SLC13A5: variants seen among roughly 807,000 people sequenced by gnomAD.
SLC13A5 encodes Na(+)/citrate cotransporter.
A neutral mutation model predicts 56.5 loss-of-function variants in SLC13A5; 25 were observed. The observed-to-expected ratio is 0.44, with a 90% CI of 0.32 to 0.62. The LOEUF (loss-of-function observed/expected upper bound fraction) is 0.62, where lower values mean the gene tolerates loss of function less well. Ranked by LOEUF, SLC13A5 falls within the 20% of genes least tolerant of loss-of-function variation. SLC13A5 has a pLI of 0.04. For synonymous variants in SLC13A5, 307 were observed against 301.5 expected, an observed-to-expected ratio of 1.02 and a Z score of -0.19; for missense variants, 649 against 737.8, an observed-to-expected ratio of 0.88 and a Z score of 1.39.
chr17:6,693,178 AACAC>A lies in SLC13A5; in HGVS notation c.1157-20_1157-17del, dbSNP rs200900896. 0.04 allele frequency: 27,968 copies of A among 692,998 alleles called. 201 individuals are homozygous for A. Among genetic ancestry groups the A allele is most frequent in the Middle Eastern group, 0.059 (177 of 3,006 alleles). 42.9% of individuals were successfully genotyped at this position (692,998 alleles called of 1,614,324 possible). A position where few individuals can be genotyped will look rare whatever the true frequency, so the allele number is the denominator to read the frequency against. ...GTTTTCCTTTCTGGGAAGAAAAAGA[AACAC>A]ACACACACACACACACACACACACA... On this transcript the variant is annotated splice_polypyrimidine_tract_variant and intron_variant, in intron 8 of 11. Transcript: ENST00000433363.
chr17:6,704,535 G>T, intron 3 of SLC13A5: 1 of 317,790 alleles, frequency 3.1e-6, no homozygotes, highest in South Asian at 2.7e-5. Flanking sequence ...GTTCAGAAGG[G>T]CTAAGCAGAG....
intron 6 of SLC13A5, among the ~76,000 whole-genome samples, chr17:6,697,543 C>T (rs1397991142): frequency 6.6e-6 from 1 of 152,206 alleles, no homozygotes; most frequent in Non-Finnish European, 1.5e-5. Flanking sequence ...TGTGAGGGGC[C>T]TAGGTCAGGG....
chr17:6,697,840 T>C (rs1287073202), intron 6 of SLC13A5, among the ~76,000 whole-genome samples: 1 of 152,216 alleles, frequency 6.6e-6, no homozygotes, highest in Admixed American at 6.5e-5. Context: ...GAGGCTGCAC[T>C]AGGCTCTTCA....
At chr17:6,695,497 C>A in intron 7 of SLC13A5, 1 of 465,430 alleles carries the variant, frequency 2.1e-6, no homozygotes, top group South Asian at 2.2e-5. Flanking sequence ...TCAAGTGATT[C>A]TCCTGCCTCA....
intron 7 of SLC13A5, among the ~76,000 whole-genome samples, 192 bp from the exon 8 acceptor site, chr17:6,694,389 C>A (rs565500377): frequency 6.6e-6 from 1 of 152,076 alleles, no homozygotes; most frequent in South Asian, 2.1e-4. Context: ...GAGGCTGAGG[C>A]GGGCGGATCA....
Position 6,692,353 on chromosome 17 carries a change from T to C in SLC13A5, c.1275+691A>G, listed in dbSNP as rs1973436794. Among the ~76,000 whole-genome samples the C allele has an allele frequency of 6.6e-6, 1 of 152,098 alleles. No individual in the cohort carries two copies. On this transcript the variant is annotated intron_variant, in intron 9 of 11. Transcript: ENST00000433363. The surrounding 1 kb of genome is among the most constrained non-coding windows in gnomAD (Gnocchi z 5.5). ...ATGGATGGAGAGGTGACTAGATGGATGGATTTGTTCACCTCCGCAAAAACT... is the reference window on the plus strand; with the variant it reads ...ATGGATGGAGAGGTGACTAGATGGACGGATTTGTTCACCTCCGCAAAAACT...
At position 6,687,754 on chromosome 17, in the gene SLC13A5, G is replaced by A. The variant is rs926786269; in HGVS notation, c.1438-88C>T. The A allele has an allele frequency of 3.7e-5, 54 of 1,446,028 alleles. No homozygotes were observed. Among genetic ancestry groups the A allele is most frequent in the Admixed American group, 5.6e-5 (2 of 35,572 alleles). 89.6% of individuals were successfully genotyped at this position (1,446,028 alleles called of 1,614,324 possible). A position where few individuals can be genotyped will look rare whatever the true frequency, so the allele number is the denominator to read the frequency against. On this transcript the variant is annotated intron_variant, in intron 10 of 11. Coordinates refer to ENST00000433363, the MANE Select transcript of SLC13A5 (RefSeq NM_177550.5). This position sits in a 1 kb window ranked among gnomAD's most constrained non-coding sequence, Gnocchi z 5.0. ...CTGAAAAGGATTCTCTGAATGTGCC[G>A]GGTACGTTTGAACCTCTGTGCCTCA...
Position 6,687,524 on chromosome 17 carries a change from G to A in SLC13A5, c.1575+5C>T, listed in dbSNP as rs778223098. On this transcript the variant is annotated splice_donor_5th_base_variant and intron_variant, in intron 11 of 11. Transcript: ENST00000433363. This position sits in a 1 kb window ranked among gnomAD's most constrained non-coding sequence, Gnocchi z 5.0. ...GACGGGAGTAAATAAAAACAGCTGT[G>A]TTACCATGTCAGCAACCTTGAGGTG... 18 of 1,613,550 alleles carry A rather than the reference G, an allele frequency of 1.1e-5. No individual in the cohort carries two copies. The highest frequency in any genetic ancestry group is 4.5e-5 in the East Asian group (2 of 44,892).
intron 1 of SLC13A5, among the ~76,000 whole-genome samples, chr17:6,707,812 TG>T (rs1414371764): frequency 6.7e-6 from 1 of 149,632 alleles, no homozygotes; most frequent in African/African-American, 2.5e-5. Flanking sequence ...GCAGACAGGG[TG>T]GGATAGGAGG....
chr17:6,687,270 C>T lies in SLC13A5; in HGVS notation c.1575+259G>A. On this transcript the variant is annotated intron_variant, in intron 11 of 11. Coordinates refer to ENST00000433363, the MANE Select transcript of SLC13A5 (RefSeq NM_177550.5). This position sits in a 1 kb window ranked among gnomAD's most constrained non-coding sequence, Gnocchi z 5.0. Reference sequence around the variant, plus strand: ...ACCTTCACCCCTTCCAAGGACTCCCCTGGTGCCTGCACAGGCTTCTCCAGG... The same window carrying T: ...ACCTTCACCCCTTCCAAGGACTCCCTTGGTGCCTGCACAGGCTTCTCCAGG... The T allele has an allele frequency of 2.2e-6, 1 of 450,456 alleles. No homozygotes were observed. The highest frequency in any genetic ancestry group is 2.6e-5 in the South Asian group (1 of 38,068). The allele number at this position is 450,456 out of a possible 1,614,324, so 27.9% of individuals were successfully genotyped here.
chr17:6,704,036 C>T lies in SLC13A5; in HGVS notation c.389G>A (p.Gly130Asp), dbSNP rs1435160909. The T allele has an allele frequency of 1.2e-6, 2 of 1,612,068 alleles. No homozygotes were observed. The highest frequency in any genetic ancestry group is 1.7e-6 in the Non-Finnish European group (2 of 1,179,120). The part of the protein sequence containing the change: ...KPARLMLGFM[G>D]VTALLSMWIS... ...CCACATGGACAGGAGGGCTGTGACGCCCATGAAGCCCAGCATCAGCCTGCA... is the reference window on the plus strand; with the variant it reads ...CCACATGGACAGGAGGGCTGTGACGTCCATGAAGCCCAGCATCAGCCTGCA... Residue 130 changes from glycine (G) to aspartate (D), a missense_variant, in exon 4 of 12, where the codon GGC becomes GAC. Coordinates refer to ENST00000433363, the MANE Select transcript of SLC13A5 (RefSeq NM_177550.5).
intron 6 of SLC13A5, among the ~76,000 whole-genome samples, chr17:6,697,255 G>C (rs1244267166): frequency 6.6e-6 from 1 of 152,120 alleles, no homozygotes; most frequent in African/African-American, 2.4e-5. Context: ...GCTCAGCCAG[G>C]GGCTTCAGGT....
At chr17:6,699,621 C>T (rs759085931) in intron 6 of SLC13A5, among the ~76,000 whole-genome samples, 1 of 152,170 alleles carries the variant, frequency 6.6e-6, no homozygotes, top group Non-Finnish European at 1.5e-5. Flanking sequence ...CAGGCATGTG[C>T]CACCATGCCC....
At chr17:6,706,836 C>G in intron 2 of SLC13A5, 58 bp from the exon 3 acceptor site, 1 of 1,600,084 alleles carries the variant, frequency 6.2e-7, no homozygotes, top group Non-Finnish European at 8.5e-7. Flanking sequence ...CTAGAGCCAC[C>G]CAGTCCCCAG....
At chr17:6,696,263 C>T (rs1973558415) in intron 6 of SLC13A5, among the ~76,000 whole-genome samples, 1 of 152,170 alleles carries the variant, frequency 6.6e-6, no homozygotes, top group African/African-American at 2.4e-5. Context: ...GAACAGGGCT[C>T]CCTCACATGC....
In SLC13A5 at chr17:6,713,096, C is replaced by T. The variant is rs1974082373; in HGVS notation, c.102+136G>A. On this transcript the variant is annotated intron_variant, in intron 1 of 11. Coordinates refer to ENST00000433363, the MANE Select transcript of SLC13A5 (RefSeq NM_177550.5). The surrounding 1 kb of genome is among the most constrained non-coding windows in gnomAD (Gnocchi z 7.3). ...CACCTCCCATCCGGCACCTGGAGCT[C>T]CTGAGTGCGCGCGCCCCGGGAGAGC... 1.2e-6 allele frequency: 1 copy of T among 832,026 alleles called. No homozygotes were observed. Among genetic ancestry groups the T allele is most frequent in the African/African-American group, 1.7e-5 (1 of 58,804 alleles). 51.5% of individuals were successfully genotyped at this position (832,026 alleles called of 1,614,324 possible). A position where few individuals can be genotyped will look rare whatever the true frequency, so the allele number is the denominator to read the frequency against.
chr17:6,696,059 G>A (rs1338553774), intron 6 of SLC13A5, 118 bp from the exon 7 acceptor site: 38 of 868,058 alleles, frequency 4.4e-5, no homozygotes, highest in Non-Finnish European at 6.7e-5. Flanking sequence ...TGCTGTCCTC[G>A]CCTGCTATGG....
Position 6,687,974 on chromosome 17 carries a change from G to A in SLC13A5, c.1438-308C>T, listed in dbSNP as rs185202810. 4.4e-4 allele frequency: 96 copies of A among 217,114 alleles called. No individual in the cohort carries two copies. The highest frequency in any genetic ancestry group is 1.7e-3 in the Admixed American group (29 of 16,862). 13.4% of individuals were successfully genotyped at this position (217,114 alleles called of 1,614,324 possible). On this transcript the variant is annotated intron_variant, in intron 10 of 11. Coordinates refer to ENST00000433363, the MANE Select transcript of SLC13A5 (RefSeq NM_177550.5). This position sits in a 1 kb window ranked among gnomAD's most constrained non-coding sequence, Gnocchi z 5.0. ...ACTGTGCTCAACCTTACAGTGCCGC[G>A]TGCACATGTCTGTCTGTCTTGCCAC...
intron 6 of SLC13A5, among the ~76,000 whole-genome samples, chr17:6,699,378 C>T (rs1470970293): frequency 6.6e-6 from 1 of 152,160 alleles, no homozygotes; most frequent in East Asian, 1.9e-4. Flanking sequence ...TCCCCTGCCC[C>T]GTCCATGGGC....
Sources: gnomAD v4.1 joint callset for allele counts (sites outside exome capture counted in the v4.1 genomes callset) on GRCh38, gnomAD v4.1.1 for gene constraint, Gnocchi (gnomAD v3.1) non-coding constraint, MANE v1.5 for transcripts, NCBI Gene and HGNC (gene_info 2026-07-23, HGNC 2026-07-21) for gene names.